TENM4: variants seen among roughly 807,000 people sequenced by gnomAD.
TENM4 encodes teneurin transmembrane protein 4.
A neutral mutation model predicts 243.3 loss-of-function variants in TENM4; 82 were observed. The observed-to-expected ratio is 0.34, with a 90% confidence interval of 0.28 to 0.40. TENM4 has a LOEUF of 0.40. TENM4 is among the 10% of genes least tolerant of loss of function. TENM4 has a pLI of 1.00. For synonymous variants in TENM4, 1,412 were observed against 1,456.3 expected (o/e 0.97, Z 0.69); for missense variants, 3,138 against 3,673.3 (o/e 0.85, Z 3.77).
At chr11:78,979,726 G>A (rs1857749644) in intron 6 of TENM4, among the ~76,000 whole-genome samples, 1 of 148,336 alleles carries the variant, frequency 6.7e-6, no homozygotes, top group Non-Finnish European at 1.5e-5. Context: ...TAGGGATGGT[G>A]GTAAACAAAT....
chr11:78,942,479 T>G (rs886820743), intron 6 of TENM4, among the ~76,000 whole-genome samples: 2 of 150,828 alleles, frequency 1.3e-5, no homozygotes, highest in Non-Finnish European at 1.5e-5. Context: ...TAAGGTCTCA[T>G]AATTTTTTAA....
intron 6 of TENM4, among the ~76,000 whole-genome samples, chr11:79,018,682 CT>C (rs777826192): frequency 5.3e-5 from 8 of 152,152 alleles, no homozygotes; most frequent in Admixed American, 1.3e-4. Context: ...CTCCCCCACG[CT>C]TATTTTCAGA....
intron 6 of TENM4, among the ~76,000 whole-genome samples, chr11:78,913,532 G>A (rs1341932719): frequency 6.6e-6 from 1 of 151,676 alleles, no homozygotes; most frequent in African/African-American, 2.4e-5. Flanking sequence ...TCCATAAACA[G>A]TTAGGTCAAG....
chr11:79,018,067 G>A (rs1423960542), intron 6 of TENM4, among the ~76,000 whole-genome samples: 1 of 152,102 alleles, frequency 6.6e-6, no homozygotes, highest in Admixed American at 6.5e-5. Context: ...GGAGGGCTGG[G>A]GGATGAGGGC....
chr11:79,203,575 A>G (rs976229287), intron 3 of TENM4, among the ~76,000 whole-genome samples: 1 of 152,224 alleles, frequency 6.6e-6, no homozygotes, highest in Non-Finnish European at 1.5e-5. Flanking sequence ...ACAATCAGAG[A>G]TTAGCAATAA....
In TENM4 at chr11:78,675,636, C is replaced by T. The variant is rs550385647; in HGVS notation, c.5496+516G>A. The stretch of plus-strand genomic sequence containing the variant: ...GATGCCAGCCCCAGCAGTGATGGCT[C>T]GGGTGAGGTCATTTTGGAGAATGTA... On this transcript the variant is annotated intron_variant, in intron 30 of 33. Transcript: ENST00000278550. Among the ~76,000 whole-genome samples the T allele has an allele frequency of 4.6e-5, 7 of 152,234 alleles. 1 individual carries two copies. The highest frequency in any genetic ancestry group is 1.2e-4 in the African/African-American group (5 of 41,528).
intron 12 of TENM4, among the ~76,000 whole-genome samples, chr11:78,814,798 A>G (rs1413788516): frequency 6.6e-6 from 1 of 152,186 alleles, no homozygotes; most frequent in Non-Finnish European, 1.5e-5. Context: ...ATGGGCTGAT[A>G]TTCCATACTT....
Position 78,658,503 on chromosome 11 carries a change from G to A in TENM4, c.7865C>T (p.Pro2622Leu). ...DGVDTHYFVKPGPSEGDLAIL... is the reference protein window; with the variant it reads ...DGVDTHYFVKLGPSEGDLAIL... Reference sequence around the variant, plus strand: ...GGCCAGGTCACCTTCTGAAGGTCCTGGTTTCACAAAGTAATGGGTATCCAC... The same window carrying A: ...GGCCAGGTCACCTTCTGAAGGTCCTAGTTTCACAAAGTAATGGGTATCCAC... The change falls in exon 34 of 34, where the codon CCA (proline) becomes CTA (leucine). Residue 2622 changes from proline (P) to leucine (L), a missense_variant. Physicochemically the swap from Pro to Leu is moderately conservative, Grantham distance 98. Transcript: ENST00000278550. The A allele has an allele frequency of 6.2e-7, 1 of 1,614,020 alleles. No individual in the cohort carries two copies. The highest frequency in any genetic ancestry group is 8.5e-7 in the Non-Finnish European group (1 of 1,179,900).
chr11:79,091,749 C>A (rs902034518), intron 4 of TENM4, among the ~76,000 whole-genome samples: 1 of 152,182 alleles, frequency 6.6e-6, no homozygotes, highest in African/African-American at 2.4e-5. Context: ...CCTTCACATC[C>A]TCACACCTGA....
Position 79,288,753 on chromosome 11 carries a change from A to G in TENM4, c.-265+8735T>C, listed in dbSNP as rs369207198. Among the ~76,000 whole-genome samples, 29 of 152,322 alleles carry G rather than the reference A, an allele frequency of 1.9e-4. No individual in the cohort carries two copies. The South Asian group carries it at 5.8e-3, about 31-fold the overall frequency. ...GTAATTTGCTGTTTGTATGGAGGCT[A>G]GAGAGGCTAAGCAGGTGGACAGATT... On this transcript the variant is annotated intron_variant, in intron 2 of 33. Transcript: ENST00000278550.
Position 78,903,310 on chromosome 11 carries a change from T to C in TENM4, c.707A>G (p.Gln236Arg), listed in dbSNP as rs991838974. 5 of 1,484,136 alleles carry C rather than the reference T, an allele frequency of 3.4e-6. No homozygotes were observed. The highest frequency in any genetic ancestry group is 2.9e-5 in the African/African-American group (2 of 67,960). 91.9% of individuals were successfully genotyped at this position (1,484,136 alleles called of 1,614,324 possible). Residue 236 changes from glutamine to arginine, a missense_variant, in exon 7 of 34, where the codon CAG (glutamine) becomes CGG (arginine). Physicochemically the swap from Gln to Arg is conservative, Grantham distance 43. Transcript: ENST00000278550. ...AGGAQEPAHA[Q>R]ENWLLNSNIP... The stretch of plus-strand genomic sequence containing the variant: ...GTTGCTGTTGAGCAGCCAGTTCTCC[T>C]GGGCGTGGGCAGGCTCCTGGGCGCC...
chr11:78,722,554 G>A (rs482605), intron 24 of TENM4, 114 bp downstream of exon 24: 135,317 of 1,392,734 alleles, frequency 0.097, 7,076 homozygotes, highest in African/African-American at 0.11. Context: ...AGAGCCTGAC[G>A]GGCAAGGCTC....
At chr11:79,254,063 C>G (rs1270294567) in intron 2 of TENM4, among the ~76,000 whole-genome samples, 1 of 152,188 alleles carries the variant, frequency 6.6e-6, no homozygotes, top group Non-Finnish European at 1.5e-5. Context: ...AAGGGGCATC[C>G]TCATATGCTG....
intron 4 of TENM4, among the ~76,000 whole-genome samples, chr11:79,081,555 G>GTGTGTGTGTGTGTA: frequency 6.6e-6 from 1 of 151,996 alleles, no homozygotes; most frequent in Non-Finnish European, 1.5e-5. Context: ...GTGTGTGTGT[G>GTGTGTGTGTGTGTA]TGTGTGCATG....
intron 6 of TENM4, among the ~76,000 whole-genome samples, chr11:78,979,343 C>T (rs957395620): frequency 2.0e-5 from 3 of 152,198 alleles, no homozygotes; most frequent in Non-Finnish European, 2.9e-5. Context: ...AGTTTAGTGG[C>T]TGAGCAAACC....
intron 6 of TENM4, among the ~76,000 whole-genome samples, chr11:78,921,793 G>A (rs1459644777): frequency 6.6e-6 from 1 of 152,236 alleles, no homozygotes; most frequent in Admixed American, 6.5e-5. Flanking sequence ...TGAGGATCAT[G>A]AGAATTCCCT....
intron 1 of TENM4, among the ~76,000 whole-genome samples, chr11:79,380,907 G>A (rs1045420575): frequency 1.3e-5 from 2 of 152,184 alleles, no homozygotes; most frequent in Non-Finnish European, 1.5e-5. Flanking sequence ...TTGGGGCTGT[G>A]TGACCATAAG....
At chr11:79,242,835 T>C (rs1855447927) in intron 2 of TENM4, among the ~76,000 whole-genome samples, 1 of 152,374 alleles carries the variant, frequency 6.6e-6, no homozygotes, top group South Asian at 2.1e-4. Context: ...TCAAGGCATG[T>C]AGACTTTTTT....
chr11:79,001,212 A>G (rs1437277792), intron 6 of TENM4, among the ~76,000 whole-genome samples: 1 of 152,200 alleles, frequency 6.6e-6, no homozygotes. Context: ...AAGTAAAAGA[A>G]TGGAGCCAGG....
Sources: gnomAD v4.1 joint callset for allele counts (sites outside exome capture counted in the v4.1 genomes callset) on GRCh38, gnomAD v4.1.1 for gene constraint, MANE v1.5 for transcripts, NCBI Gene and HGNC (gene_info 2026-07-23, HGNC 2026-07-21) for gene names.